The following TAFA1 variants were observed in gnomAD, a reference collection of about 807,000 sequenced individuals.
TAFA1 encodes chemokine-like protein TAFA-1.
TAFA1 carries 4 observed loss-of-function variants against 18.5 expected under a neutral mutation model. The ratio of observed to expected loss-of-function variants is 0.22; its 90% CI spans 0.11 to 0.49. The LOEUF is 0.49. Ranked by LOEUF, TAFA1 falls within the 20% of genes least tolerant of loss-of-function variation. The pLI is 0.98. For missense variants in TAFA1, 147 were observed against 169.0 expected (o/e 0.87, Z 0.72); for synonymous variants, 56 against 55.2 (o/e 1.01, Z -0.06).
chr3:68,051,917 A>G (rs935370572), intron 2 of TAFA1, among the ~76,000 whole-genome samples: 6 of 152,172 alleles, frequency 3.9e-5, no homozygotes, highest in Non-Finnish European at 8.8e-5. Flanking sequence ...TACAAATGAC[A>G]TTCTTTGCAT....
rs79913057 is a variant in TAFA1, at chr3:68,027,851, A to G, written c.118+21107A>G. 1.7e-3 allele frequency among the ~76,000 whole-genome samples: 257 copies of G among 152,328 alleles called. 6 individuals carry two copies. The East Asian group carries it at 0.036, about 21-fold the overall frequency. On this transcript the variant is annotated intron_variant, in intron 2 of 4. Transcript: ENST00000478136. ...CTACAAGTTAACACTTAATAAATTAATTCCCAAACATGAATTGAGGATTCC... is the reference window on the plus strand; with the variant it reads ...CTACAAGTTAACACTTAATAAATTAGTTCCCAAACATGAATTGAGGATTCC...
chr3:68,232,146 A>G (rs2066880005), intron 2 of TAFA1, among the ~76,000 whole-genome samples: 1 of 152,204 alleles, frequency 6.6e-6, no homozygotes, highest in South Asian at 2.1e-4. Context: ...ATACTACTAT[A>G]GGACACTGAA....
rs79888087 is a variant in TAFA1 at position 68,534,920 on chromosome 3, C to T, written c.260-3836C>T. 9.3e-3 allele frequency among the ~76,000 whole-genome samples: 1,409 copies of T among 151,908 alleles called. 28 individuals are homozygous for T. Among genetic ancestry groups the T allele is most frequent in the East Asian group, 0.058 (297 of 5,164 alleles). ...AAATGCAAAAAGCTGACCCCACTGG[C>T]GGATGTGCATTATTCGCTAGCTTCT... On this transcript the variant is annotated intron_variant, in intron 3 of 4. Coordinates refer to ENST00000478136, the MANE Select transcript of TAFA1 (RefSeq NM_213609.4).
At chr3:68,412,155 C>A (rs2070731178) in intron 2 of TAFA1, among the ~76,000 whole-genome samples, 1 of 152,052 alleles carries the variant, frequency 6.6e-6, no homozygotes, top group African/African-American at 2.4e-5. Context: ...ACTTTATATA[C>A]AAGTCTTTGA....
intron 2 of TAFA1, among the ~76,000 whole-genome samples, chr3:68,409,707 G>A (rs1050869470): frequency 1.8e-4 from 28 of 152,038 alleles, no homozygotes; most frequent in African/African-American, 6.3e-4. Context: ...CCAATTCCCT[G>A]GCAGATGAAA....
intron 2 of TAFA1, among the ~76,000 whole-genome samples, chr3:68,201,174 A>G (rs187080536): frequency 7.6e-4 from 115 of 151,672 alleles, no homozygotes; most frequent in African/African-American, 2.6e-3. Context: ...ATCTCCATGT[A>G]TTTTGGGATT....
intron 2 of TAFA1, among the ~76,000 whole-genome samples, chr3:68,128,726 C>G (rs1252073121): frequency 6.6e-6 from 1 of 152,124 alleles, no homozygotes. Flanking sequence ...AATCATTTAG[C>G]CATCAGCAAC....
intron 2 of TAFA1, among the ~76,000 whole-genome samples, chr3:68,225,322 G>T (rs975864125): frequency 6.6e-6 from 1 of 152,150 alleles, no homozygotes; most frequent in South Asian, 2.1e-4. Context: ...AACCTGCAAT[G>T]TCTAATCGGA....
rs534594383 is a variant in TAFA1 at position 68,163,986 on chromosome 3, C to A, written c.118+157242C>A. 8.5e-5 allele frequency among the ~76,000 whole-genome samples: 13 copies of A among 152,304 alleles called. No homozygotes were observed. In the South Asian group the frequency reaches 2.5e-3, roughly 29 times the overall value. ...CTCTTCAAAATTTTCTGAGCTGATC[C>A]TATATCCCAGTCTTCCCATTTGTGC... On this transcript the variant is annotated intron_variant, in intron 2 of 4. Transcript: ENST00000478136.
intron 2 of TAFA1, among the ~76,000 whole-genome samples, chr3:68,381,463 T>C (rs1056261877): frequency 2.0e-5 from 3 of 152,120 alleles, no homozygotes; most frequent in African/African-American, 7.2e-5. Context: ...TGGTTTGTAG[T>C]TCTCCTTGAA....
At chr3:68,015,627 C>G (rs2106786079) in intron 2 of TAFA1, among the ~76,000 whole-genome samples, 1 of 152,224 alleles carries the variant, frequency 6.6e-6, no homozygotes, top group South Asian at 2.1e-4. Context: ...AAACAGTAAT[C>G]AGCAAATCTA....
chr3:68,422,868 G>A (rs2070982376), intron 3 of TAFA1, among the ~76,000 whole-genome samples: 1 of 151,932 alleles, frequency 6.6e-6, no homozygotes, highest in African/African-American at 2.4e-5. Flanking sequence ...CAAAATGGAA[G>A]TGGGGAGCAT....
At chr3:68,449,782 T>C (rs2071538672) in intron 3 of TAFA1, among the ~76,000 whole-genome samples, 3 of 152,186 alleles carry the variant, frequency 2.0e-5, no homozygotes, top group African/African-American at 7.2e-5. Flanking sequence ...CACATTTTTC[T>C]TATGGTGAAG....
intron 2 of TAFA1, among the ~76,000 whole-genome samples, chr3:68,181,741 T>C (rs1273275494): frequency 1.3e-5 from 2 of 152,190 alleles, no homozygotes; most frequent in African/African-American, 4.8e-5. Context: ...TGGAAATGGC[T>C]TAGACATCTG....
chr3:68,267,024 T>G (rs988483657), intron 2 of TAFA1, among the ~76,000 whole-genome samples: 3 of 152,114 alleles, frequency 2.0e-5, no homozygotes, highest in African/African-American at 4.8e-5. Context: ...GATTTCCCAT[T>G]GATTGACTTC....
intron 2 of TAFA1, among the ~76,000 whole-genome samples, chr3:68,333,907 A>G (rs907266293): frequency 8.5e-5 from 13 of 152,242 alleles, no homozygotes; most frequent in African/African-American, 3.1e-4. Context: ...ATCCACAGCA[A>G]GACAAATATT....
At chr3:68,110,039 C>T (rs1287728408) in intron 2 of TAFA1, among the ~76,000 whole-genome samples, 1 of 152,034 alleles carries the variant, frequency 6.6e-6, no homozygotes, top group Admixed American at 6.6e-5. Flanking sequence ...CATAGGTAAA[C>T]GTGTGCCATG....
intron 2 of TAFA1, among the ~76,000 whole-genome samples, chr3:68,094,333 G>C (rs1157466972): frequency 6.6e-6 from 1 of 151,976 alleles, no homozygotes; most frequent in Non-Finnish European, 1.5e-5. Context: ...TATTGACTTT[G>C]TTACTTACTG....
chr3:68,078,856 C>T (rs1378131943), intron 2 of TAFA1, among the ~76,000 whole-genome samples: 1 of 152,108 alleles, frequency 6.6e-6, no homozygotes, highest in East Asian at 1.9e-4. Context: ...CCCTCTTTTT[C>T]TATTGATTGG....
Sources: gnomAD v4.1 joint callset for allele counts (sites outside exome capture counted in the v4.1 genomes callset) on GRCh38, gnomAD v4.1.1 for gene constraint, MANE v1.5 for transcripts, NCBI Gene and HGNC (gene_info 2026-07-23, HGNC 2026-07-21) for gene names.